Variants in PCDH15 observed in about 807,000 individuals in gnomAD.
PCDH15 encodes the protein protocadherin related 15, also known as protocadherin-15.
PCDH15 carries 129 observed loss-of-function variants against 178.5 expected under a neutral mutation model. That is an observed-to-expected ratio of 0.72 (90% CI 0.63 to 0.84). The LOEUF is 0.84. Among genes scored for constraint, PCDH15 ranks in the 40% least tolerant of loss-of-function variants. The pLI, the probability that PCDH15 is intolerant of heterozygous loss-of-function variation, is 0.00. For missense variants in PCDH15, 2,230 were observed against 2,099.9 expected (o/e 1.06, Z -1.21); for synonymous variants, 800 against 732.0 (o/e 1.09, Z -1.50).
chr10:54,168,006 C>G (rs1400384901), intron 13 of PCDH15, among the ~76,000 whole-genome samples: 3 of 151,580 alleles, frequency 2.0e-5, no homozygotes, highest in African/African-American at 7.3e-5. Context: ...GCTTCCTTGA[C>G]TATAGGCAAC....
intron 2 of PCDH15, among the ~76,000 whole-genome samples, chr10:55,452,774 T>G (rs1839464229): frequency 2.0e-5 from 3 of 152,006 alleles, no homozygotes; most frequent in Admixed American, 2.0e-4. Context: ...ACAAAAAAAC[T>G]AGTGTTGTTG....
At position 55,504,069 on chromosome 10, in the gene PCDH15, C is replaced by T. The variant is rs552366076; in HGVS notation, c.-156+123556G>A. ...GAGTATTTTTAGGGCAGGGAAACAA[C>T]TCTGTATGACTATAATGATGAATAC... On this transcript the variant is annotated intron_variant, in intron 2 of 5. Coordinates refer to the PCDH15 transcript ENST00000613346. 1.0e-3 allele frequency among the ~76,000 whole-genome samples: 159 copies of T among 151,470 alleles called. 2 individuals are homozygous for T. The highest frequency in any genetic ancestry group is 3.7e-3 in the African/African-American group (152 of 41,446).
intron 2 of PCDH15, among the ~76,000 whole-genome samples, chr10:55,433,380 G>A (rs1838938942): frequency 6.6e-6 from 1 of 152,136 alleles, no homozygotes; most frequent in African/African-American, 2.4e-5. Flanking sequence ...GAATACACAT[G>A]GACACAAAGA....
At chr10:55,276,930 T>C (rs1014221195) in intron 1 of PCDH15, among the ~76,000 whole-genome samples, 9 of 152,170 alleles carry the variant, frequency 5.9e-5, no homozygotes, top group African/African-American at 1.9e-4. Context: ...AGGATAAAGC[T>C]TTCCAGGTTT....
chr10:54,020,442 A>G, intron 19 of PCDH15, 26 bp from the exon 20 acceptor site: 3 of 1,602,320 alleles, frequency 1.9e-6, no homozygotes, highest in Non-Finnish European at 2.6e-6. Flanking sequence ...GAATAGTTTT[A>G]TTAGTGACGT....
chr10:54,342,700 G>T (rs952278496), intron 6 of PCDH15, among the ~76,000 whole-genome samples: 1 of 152,166 alleles, frequency 6.6e-6, no homozygotes, highest in Non-Finnish European at 1.5e-5. Context: ...AGCACTCAAT[G>T]CCAGCCTGAG....
chr10:53,865,927 C>T (rs1040606149), intron 27 of PCDH15, among the ~76,000 whole-genome samples: 32 of 152,266 alleles, frequency 2.1e-4, no homozygotes, highest in African/African-American at 7.7e-4. Flanking sequence ...TCAGACAAAA[C>T]TCCAAATAAC....
chr10:54,550,718 C>A (rs1231710486), intron 2 of PCDH15, among the ~76,000 whole-genome samples: 1 of 152,084 alleles, frequency 6.6e-6, no homozygotes, highest in Non-Finnish European at 1.5e-5. Context: ...GAAATATCAG[C>A]CTTTTATTCA....
intron 1 of PCDH15, among the ~76,000 whole-genome samples, chr10:54,694,984 GA>G (rs1166176394): frequency 6.8e-6 from 1 of 147,086 alleles, no homozygotes; most frequent in Non-Finnish European, 1.5e-5. Context: ...GTTCTTGAGG[GA>G]AACTCAAAAA....
intron 2 of PCDH15, among the ~76,000 whole-genome samples, chr10:55,078,573 AT>A (rs770304620): frequency 2.7e-5 from 4 of 150,900 alleles, no homozygotes; most frequent in African/African-American, 9.8e-5. Context: ...AAGTTCTGTG[AT>A]TTTTTTTCTT....
At chr10:53,960,542 T>A (rs190898144) in intron 22 of PCDH15, among the ~76,000 whole-genome samples, 10 of 152,360 alleles carry the variant, frequency 6.6e-5, no homozygotes, top group Non-Finnish European at 1.3e-4. Flanking sequence ...ATTATTTTCT[T>A]TAATAACCTA....
At chr10:55,192,585 G>A (rs573220862) in intron 1 of PCDH15, among the ~76,000 whole-genome samples, 2 of 151,640 alleles carry the variant, frequency 1.3e-5, no homozygotes, top group East Asian at 3.9e-4. Flanking sequence ...TAATCCCAAG[G>A]AATCACATTA....
chr10:54,768,787 A>G (rs1312123062), intron 1 of PCDH15, among the ~76,000 whole-genome samples: 2 of 152,072 alleles, frequency 1.3e-5, no homozygotes, highest in Non-Finnish European at 1.5e-5. Context: ...CTTCCTTGAC[A>G]TTGTCCTTGT....
intron 2 of PCDH15, among the ~76,000 whole-genome samples, chr10:55,378,617 A>T (rs944264117): frequency 3.3e-5 from 5 of 152,140 alleles, no homozygotes; most frequent in Non-Finnish European, 7.4e-5. Context: ...GTAAACAAAA[A>T]AATTCTATAA....
intron 1 of PCDH15, among the ~76,000 whole-genome samples, chr10:54,710,776 A>G (rs2095420837): frequency 6.6e-6 from 1 of 152,038 alleles, no homozygotes; most frequent in Admixed American, 6.6e-5. Flanking sequence ...GTAGTCTTCT[A>G]ATACCTCTTT....
At chr10:55,495,484 C>G (rs1455635910) in intron 2 of PCDH15, among the ~76,000 whole-genome samples, 1 of 151,698 alleles carries the variant, frequency 6.6e-6, no homozygotes. Context: ...AGACCATATA[C>G]AATGGCCAAA....
chr10:54,476,468 A>G (rs2078281027), intron 3 of PCDH15, among the ~76,000 whole-genome samples: 1 of 152,136 alleles, frequency 6.6e-6, no homozygotes, highest in Non-Finnish European at 1.5e-5. Flanking sequence ...GTGAAATGGG[A>G]AAATGTTAGG....
intron 2 of PCDH15, among the ~76,000 whole-genome samples, chr10:55,040,315 G>T (rs74136334): frequency 2.4e-4 from 36 of 151,974 alleles, no homozygotes; most frequent in African/African-American, 7.3e-4. Context: ...GCTGACACAG[G>T]CTTGAAAGAA....
rs567687850 is a variant in PCDH15 at position 55,343,316 on chromosome 10, C to A, written c.-155-176665G>T. ...AGAGATATATGTATGCTATCAAAAA[C>A]AAAAACCAACTTTTATTCTAGAGTT... On this transcript the variant is annotated intron_variant, in intron 2 of 5. Coordinates refer to the PCDH15 transcript ENST00000613346. Among the ~76,000 whole-genome samples the A allele has an allele frequency of 5.6e-3, 850 of 152,248 alleles. 10 individuals are homozygous for A. Among genetic ancestry groups the A allele is most frequent in the African/African-American group, 0.02 (813 of 41,568 alleles).
Sources: gnomAD v4.1 joint callset for allele counts (sites outside exome capture counted in the v4.1 genomes callset) on GRCh38, gnomAD v4.1.1 for gene constraint, MANE v1.5 for transcripts, NCBI Gene and HGNC (gene_info 2026-07-23, HGNC 2026-07-21) for gene names.